The following ANKRD44 variants were observed in gnomAD, a reference collection of about 807,000 sequenced individuals.
ANKRD44 encodes ankyrin repeat domain 44, also known as serine/threonine-protein phosphatase 6 regulatory ankyrin repeat subunit B.
Under a neutral mutation model 116.0 loss-of-function variants are expected in ANKRD44, and 35 were observed. The observed-to-expected ratio is 0.30, with a 90% CI of 0.23 to 0.40. The LOEUF (loss-of-function observed/expected upper bound fraction) is 0.40, where lower values mean the gene tolerates loss of function less well. Among genes scored for constraint, ANKRD44 ranks in the 10% least tolerant of loss-of-function variants. The pLI is 1.00. For missense variants in ANKRD44, 1,014 were observed against 1,242.6 expected (o/e 0.82, Z 2.77); for synonymous variants, 435 against 461.8 (o/e 0.94, Z 0.74).
At chr2:197,198,519 T>G (rs1304198976) in intron 1 of ANKRD44, among the ~76,000 whole-genome samples, 1 of 152,012 alleles carries the variant, frequency 6.6e-6, no homozygotes. Context: ...TGACCGGGCA[T>G]GGTGGCTCAC....
intron 1 of ANKRD44, among the ~76,000 whole-genome samples, chr2:197,255,941 G>A (rs1380909144): frequency 1.3e-5 from 2 of 152,248 alleles, no homozygotes; most frequent in Non-Finnish European, 2.9e-5. Flanking sequence ...TAATGCCTGG[G>A]TGCAGTTTAA....
intron 1 of ANKRD44, among the ~76,000 whole-genome samples, chr2:197,228,006 T>C (rs2081760577): frequency 6.6e-6 from 1 of 152,214 alleles, no homozygotes. Flanking sequence ...GATTATAGAA[T>C]GATTCAGCAA....
intron 16 of ANKRD44, among the ~76,000 whole-genome samples, chr2:197,040,668 T>C (rs369968780): frequency 1.1e-3 from 172 of 152,208 alleles, no homozygotes; most frequent in African/African-American, 4.0e-3. Flanking sequence ...TGAGCCACTG[T>C]GCCCGGCCTG....
In ANKRD44 at chr2:196,988,210, T is replaced by C; in HGVS notation, c.*1381A>G. The C allele has an allele frequency of 1.0e-6, 1 of 985,432 alleles. No individual in the cohort carries two copies. Among genetic ancestry groups the C allele is most frequent in the Non-Finnish European group, 1.2e-6 (1 of 829,936 alleles). 61.0% of individuals were successfully genotyped at this position (985,432 alleles called of 1,614,324 possible). A position where few individuals can be genotyped will look rare whatever the true frequency, so the allele number is the denominator to read the frequency against. ...CTTTGCCATTAAAGCAAGCATTTCA[T>C]TTCCTGCTTGAAATGCCAACTGAGC... is the stretch of plus-strand genomic sequence containing the variant. On this transcript the variant is annotated 3_prime_UTR_variant, in exon 28 of 28. Coordinates refer to ENST00000282272, the MANE Select transcript of ANKRD44 (RefSeq NM_001195144.2).
At chr2:197,213,376 T>C (rs2081368125) in intron 1 of ANKRD44, among the ~76,000 whole-genome samples, 1 of 152,238 alleles carries the variant, frequency 6.6e-6, no homozygotes, top group Non-Finnish European at 1.5e-5. Flanking sequence ...ATCTACGAGG[T>C]GATTACTCCA....
In ANKRD44 at chr2:196,995,394, T is replaced by C; in HGVS notation, c.2816A>G (p.Asn939Ser). 1 of 1,610,976 alleles carries C rather than the reference T, an allele frequency of 6.2e-7. No individual in the cohort carries two copies. Among genetic ancestry groups the C allele is most frequent in the Non-Finnish European group, 8.5e-7 (1 of 1,178,108 alleles). The change falls in exon 26 of 28, where the codon AAT becomes AGT. Residue 939 changes from asparagine to serine, a missense_variant. By Grantham distance (46) the Asn-to-Ser change is conservative. Transcript: ENST00000282272. ...TTACACTTACGTCTGCAGTGCATTA[T>C]TTTTTTCATTAATAAGGCTCTCGTC... ...IQDESLINEK[N>S]NALQTPLHVA... is the part of the protein sequence containing the mutation.
At chr2:197,288,507 C>T (rs1321801704) in intron 1 of ANKRD44, among the ~76,000 whole-genome samples, 3 of 152,110 alleles carry the variant, frequency 2.0e-5, no homozygotes, top group African/African-American at 2.4e-5. Context: ...GGAAAAGAAA[C>T]CACTATGTAA....
chr2:197,086,544 G>A, intron 13 of ANKRD44, 136 bp downstream of exon 13: 1 of 725,428 alleles, frequency 1.4e-6, no homozygotes. Context: ...CTATGAGAAG[G>A]GACTTCCTTC....
At chr2:197,063,162 A>G (rs915925725) in intron 16 of ANKRD44, among the ~76,000 whole-genome samples, 1 of 152,174 alleles carries the variant, frequency 6.6e-6, no homozygotes, top group African/African-American at 2.4e-5. Context: ...CTGTTCAGCA[A>G]TATTCACTGT....
intron 1 of ANKRD44, among the ~76,000 whole-genome samples, chr2:197,304,389 G>A (rs564420791): frequency 2.0e-5 from 3 of 152,326 alleles, no homozygotes; most frequent in African/African-American, 7.2e-5. Flanking sequence ...TGGAGAATAG[G>A]AATTAGTCCT....
intron 16 of ANKRD44, chr2:197,029,355 C>G (rs1408693535): frequency 3.8e-6 from 1 of 265,330 alleles, no homozygotes; most frequent in East Asian, 1.4e-4. Context: ...TTCATGGCTT[C>G]TTTGGGACTC....
At chr2:197,000,973 G>A (rs543783037) in intron 22 of ANKRD44, among the ~76,000 whole-genome samples, 2 of 152,364 alleles carry the variant, frequency 1.3e-5, no homozygotes, top group African/African-American at 4.8e-5. Context: ...GGGAGCCAGA[G>A]GTTGCAGTGA....
At chr2:197,150,365 G>A (rs902116532) in intron 2 of ANKRD44, among the ~76,000 whole-genome samples, 2 of 151,978 alleles carry the variant, frequency 1.3e-5, no homozygotes, top group South Asian at 2.1e-4. Context: ...TGGCTAACAC[G>A]GTGAAACCCC....
intron 3 of ANKRD44, among the ~76,000 whole-genome samples, chr2:197,139,603 A>G (rs957890196): frequency 5.3e-5 from 8 of 152,064 alleles, no homozygotes; most frequent in African/African-American, 1.9e-4. Context: ...CTGTATTTTC[A>G]ATGTTTTATT....
intron 4 of ANKRD44, chr2:197,135,708 G>C (rs536384995): frequency 6.6e-6 from 1 of 152,528 alleles, no homozygotes; most frequent in East Asian, 1.9e-4. Context: ...CCAACGACAT[G>C]TTTGCTGAAC....
At chr2:197,103,961 T>C (rs1308145202) in intron 9 of ANKRD44, among the ~76,000 whole-genome samples, 1 of 152,230 alleles carries the variant, frequency 6.6e-6, no homozygotes, top group East Asian at 1.9e-4. Context: ...TTCATTAATA[T>C]AATTGTAAAT....
At chr2:197,127,758 C>A (rs2079008933) in intron 4 of ANKRD44, among the ~76,000 whole-genome samples, 1 of 152,122 alleles carries the variant, frequency 6.6e-6, no homozygotes, top group South Asian at 2.1e-4. Context: ...CTGCACAGAT[C>A]AACCCATTGC....
intron 1 of ANKRD44, among the ~76,000 whole-genome samples, chr2:197,271,430 C>T (rs2105780034): frequency 6.6e-6 from 1 of 152,316 alleles, no homozygotes; most frequent in South Asian, 2.1e-4. Flanking sequence ...CTTGAACTTT[C>T]CAACTTACAG....
chr2:197,170,094 G>A (rs575500897), intron 2 of ANKRD44, among the ~76,000 whole-genome samples: 7 of 151,550 alleles, frequency 4.6e-5, no homozygotes, highest in African/African-American at 1.5e-4. Flanking sequence ...GGGGGCTGAG[G>A]TGAGAGGTTT....
Sources: allele counts gnomAD v4.1 joint callset (sites outside exome capture counted in the v4.1 genomes callset), GRCh38; gene constraint gnomAD v4.1.1; transcripts MANE v1.5; gene names NCBI Gene and HGNC (gene_info 2026-07-23, HGNC 2026-07-21).